RHOBTB2: variants seen among roughly 807,000 people sequenced by gnomAD.
The protein encoded by RHOBTB2 is Rho related BTB domain containing 2, also known as rho-related BTB domain-containing protein 2.
In RHOBTB2, 39 loss-of-function variants were observed where a neutral mutation model predicts 66.5. That is an observed-to-expected ratio of 0.59 (90% CI 0.45 to 0.77). The LOEUF is 0.77. Ranked by LOEUF, RHOBTB2 falls within the 30% of genes least tolerant of loss-of-function variation. The pLI, the probability that RHOBTB2 is intolerant of heterozygous loss-of-function variation, is 0.00. For synonymous variants in RHOBTB2, 390 were observed against 395.0 expected (o/e 0.99, Z 0.15); for missense variants, 755 against 999.1 (o/e 0.76, Z 3.29).
chr8:23,007,229 CCAT>C lies in RHOBTB2; in HGVS notation c.987_989del (p.His334del). On this transcript the variant is annotated inframe_deletion, in exon 5 of 10. Transcript: ENST00000251822. Reference sequence around the variant, plus strand: ...AGGGCCACTCTGATCAACACCACCACCATCACCACCACCACCATGGGCGAGACT... The same window carrying C: ...AGGGCCACTCTGATCAACACCACCACCACCACCACCACCATGGGCGAGACT... The C allele has an allele frequency of 6.2e-7, 1 of 1,609,564 alleles. No homozygotes were observed. Among genetic ancestry groups the C allele is most frequent in the Non-Finnish European group, 8.5e-7 (1 of 1,179,590 alleles).
At chr8:22,989,226 C>G (rs886357225) in intron 1 of RHOBTB2, among the ~76,000 whole-genome samples, 3 of 152,180 alleles carry the variant, frequency 2.0e-5, no homozygotes, top group African/African-American at 2.4e-5. Flanking sequence ...TGGCTCACTA[C>G]AACCTCTGCC....
intron 1 of RHOBTB2, among the ~76,000 whole-genome samples, chr8:23,003,103 C>G (rs1810833583): frequency 6.6e-6 from 1 of 152,166 alleles, no homozygotes; most frequent in Non-Finnish European, 1.5e-5. Flanking sequence ...AGGGATGACT[C>G]CGGGCTGCTA....
At chr8:22,959,928 C>G in the RHOBTB2 span, among the ~76,000 whole-genome samples, 1 of 148,478 alleles carries the variant, frequency 6.7e-6, no homozygotes, top group Admixed American at 6.8e-5. Flanking sequence ...CATTGAGAGG[C>G]TGAGGCGGGC....
intron 1 of RHOBTB2, among the ~76,000 whole-genome samples, chr8:23,000,764 C>G (rs1230686301): frequency 6.6e-6 from 1 of 152,168 alleles, no homozygotes; most frequent in Non-Finnish European, 1.5e-5. Flanking sequence ...TCTTCTCCTT[C>G]CAATTCTCCA....
chr8:23,015,713 T>C lies in RHOBTB2; in HGVS notation c.1936T>C (p.Phe646Leu). The change falls in exon 9 of 10, where the codon TTC becomes CTC. Residue 646 changes from phenylalanine (F) to leucine (L), a missense_variant. Physicochemically the swap from Phe to Leu is conservative, Grantham distance 22. Around this residue, in one of 7 missense-constraint regions of RHOBTB2, gnomAD observed 353 missense variants for 458.2 expected, o/e 0.77. Transcript: ENST00000251822. Reference sequence around the variant, plus strand: ...CAACTACAACAACGTGTGCCGCAAGTTCCCCCGAGACATGAAGGCCATGTC... The same window carrying C: ...CAACTACAACAACGTGTGCCGCAAGCTCCCCCGAGACATGAAGGCCATGTC... ...CTNYNNVCRK[F>L]PRDMKAMSPE... 1 of 1,613,664 alleles carries C rather than the reference T, an allele frequency of 6.2e-7. No individual in the cohort carries two copies. The highest frequency in any genetic ancestry group is 1.1e-5 in the South Asian group (1 of 91,052).
At chr8:23,016,182 T>C (rs1047991398) in intron 9 of RHOBTB2, among the ~76,000 whole-genome samples, 1 of 152,004 alleles carries the variant, frequency 6.6e-6, no homozygotes, top group African/African-American at 2.4e-5. Flanking sequence ...GCCTCCTGTC[T>C]CTTCTTGATT....
the RHOBTB2 span, among the ~76,000 whole-genome samples, chr8:22,974,445 G>T: frequency 1.3e-5 from 2 of 152,210 alleles, no homozygotes; most frequent in Admixed American, 1.3e-4. Context: ...CGTTTTTAGT[G>T]TCTTGGGTGA....
At chr8:22,958,547 A>G in the RHOBTB2 span, among the ~76,000 whole-genome samples, 1 of 152,014 alleles carries the variant, frequency 6.6e-6, no homozygotes, top group Non-Finnish European at 1.5e-5. Flanking sequence ...GCCTGTAATC[A>G]CAGCACTTTG....
chr8:22,951,692 G>A, the RHOBTB2 span, among the ~76,000 whole-genome samples: 2 of 152,132 alleles, frequency 1.3e-5, no homozygotes, highest in African/African-American at 2.4e-5. Flanking sequence ...GATCCGTTAG[G>A]GTGGGGCAGA....
the RHOBTB2 span, among the ~76,000 whole-genome samples, chr8:22,966,221 C>A: frequency 6.6e-6 from 1 of 151,870 alleles, no homozygotes; most frequent in Non-Finnish European, 1.5e-5. Context: ...GATGTGGTGG[C>A]CTGCGCCTGT....
chr8:22,999,867 G>A lies in RHOBTB2; in HGVS notation c.-249G>A. 1 of 984,986 alleles carries A rather than the reference G, an allele frequency of 1.0e-6. No individual in the cohort carries two copies. Among genetic ancestry groups the A allele is most frequent in the South Asian group, 4.7e-5 (1 of 21,294 alleles). The allele number at this position is 984,986 out of a possible 1,614,324, so 61.0% of individuals were successfully genotyped here. A position where few individuals can be genotyped will look rare whatever the true frequency, so the allele number is the denominator to read the frequency against. On this transcript the variant is annotated 5_prime_UTR_variant, in exon 1 of 10. Transcript: ENST00000251822. ...GCGATGCTGATCCGGAAGGGGCAGCGGCTGCAGTGCAGCGCGCGCGTCCGC... is the reference window on the plus strand; with the variant it reads ...GCGATGCTGATCCGGAAGGGGCAGCAGCTGCAGTGCAGCGCGCGCGTCCGC...
At position 23,007,393 on chromosome 8, in the gene RHOBTB2, G is replaced by T. The variant is rs912492615; in HGVS notation, c.1148G>T (p.Gly383Val). 1.2e-6 allele frequency: 2 copies of T among 1,614,064 alleles called. No homozygotes were observed. The highest frequency in any genetic ancestry group is 3.3e-5 in the Admixed American group (2 of 60,010). The change falls in exon 5 of 10, where the codon GGT (glycine) becomes GTT (valine). Residue 383 changes from glycine (G) to valine (V), a missense_variant. This residue lies in a region of RHOBTB2 where 247 missense variants were observed against 238.9 expected (regional missense o/e 1.03). Coordinates refer to ENST00000251822, the MANE Select transcript of RHOBTB2 (RefSeq NM_015178.3). ...GGAACAGGGTACCTACCGGGCAGGG[G>T]TCGTGTGCTGTCTTCCTGGAGCCGA... The part of the protein sequence containing the change: ...GNGTGYLPGR[G>V]RVLSSWSRAF...
rs1811333118 is a variant in RHOBTB2, at chr8:23,017,533, TC to T, written c.*66del. 1.3e-6 allele frequency: 2 copies of T among 1,544,288 alleles called. No homozygotes were observed. Among genetic ancestry groups the T allele is most frequent in the Non-Finnish European group, 1.7e-6 (2 of 1,143,202 alleles). On this transcript the variant is annotated 3_prime_UTR_variant, in exon 10 of 10. Coordinates refer to ENST00000251822, the MANE Select transcript of RHOBTB2 (RefSeq NM_015178.3). This position sits in a 1 kb window ranked among gnomAD's most constrained non-coding sequence, Gnocchi z 5.3. ...CCATCCGCCTTCACCCCTCTGCTCT[TC>T]CGCATCACCCCATCCACCTTACAGG...
chr8:23,003,396 C>T (rs1430181171), intron 1 of RHOBTB2, among the ~76,000 whole-genome samples: 1 of 152,250 alleles, frequency 6.6e-6, no homozygotes, highest in Non-Finnish European at 1.5e-5. Context: ...CAAGCATTTG[C>T]CCAGAAATTC....
the RHOBTB2 span, chr8:22,977,796 G>A: frequency 2.0e-5 from 3 of 152,060 alleles, no homozygotes; most frequent in Non-Finnish European, 4.4e-5. Flanking sequence ...TAATATTGGG[G>A]AATTTTTATT....
Position 23,005,378 on chromosome 8 carries a change from G to T in RHOBTB2, c.199G>T (p.Glu67Ter). ...TCTTCCTCCCCGTCCCCAGGTGCTG[G>T]AACGCTCCCGAGACGTGGTAGATGA... ...DQYRVCQEVL[E>*]RSRDVVDDVS... Residue 67 changes from glutamate to a stop codon, truncating the protein, a stop_gained, in exon 3 of 10, where the codon GAA becomes TAA. Transcript: ENST00000251822. LOFTEE classifies it high-confidence loss of function. 1.2e-6 allele frequency: 2 copies of T among 1,613,330 alleles called. No homozygotes were observed. Among genetic ancestry groups the T allele is most frequent in the South Asian group, 2.2e-5 (2 of 91,064 alleles).
At position 23,005,390 on chromosome 8, in the gene RHOBTB2, G is replaced by T; in HGVS notation, c.211G>T (p.Asp71Tyr). The change falls in exon 3 of 10, where the codon GAC (aspartate) becomes TAC (tyrosine). Residue 71 changes from aspartate to tyrosine, a missense_variant. By Grantham distance (160) the Asp-to-Tyr change is radical (BLOSUM62 -3). Coordinates refer to ENST00000251822, the MANE Select transcript of RHOBTB2 (RefSeq NM_015178.3). ...TCCCCAGGTGCTGGAACGCTCCCGA[G>T]ACGTGGTAGATGATGTCAGCGTCTC... The part of the protein sequence containing the change: ...VCQEVLERSR[D>Y]VVDDVSVSLR... The T allele has an allele frequency of 6.2e-7, 1 of 1,613,906 alleles. No individual in the cohort carries two copies. The highest frequency in any genetic ancestry group is 8.5e-7 in the Non-Finnish European group (1 of 1,179,856).
intron 3 of RHOBTB2, among the ~76,000 whole-genome samples, 182 bp from the exon 4 acceptor site, chr8:23,005,778 C>A (rs2128803932): frequency 6.6e-6 from 1 of 152,256 alleles, no homozygotes; most frequent in Non-Finnish European, 1.5e-5. Flanking sequence ...CAAAACAAGT[C>A]TTGAGCTCTA....
intron 7 of RHOBTB2, among the ~76,000 whole-genome samples, chr8:23,014,215 A>G (rs1811224807): frequency 6.6e-6 from 1 of 152,252 alleles, no homozygotes; most frequent in African/African-American, 2.4e-5. Flanking sequence ...TACTTCTTCA[A>G]TATAAGTGTT....
Sources: gnomAD v4.1 joint callset for allele counts (sites outside exome capture counted in the v4.1 genomes callset) on GRCh38, gnomAD v4.1.1 for gene constraint, gnomAD v4.1.1 regional missense constraint, Gnocchi (gnomAD v3.1) non-coding constraint, MANE v1.5 for transcripts, NCBI Gene and HGNC (gene_info 2026-07-23, HGNC 2026-07-21) for gene names.